The following EPHX2 variants were observed in gnomAD, a reference collection of about 807,000 sequenced individuals.
EPHX2 encodes epoxide hydrolase 2, also known as bifunctional epoxide hydrolase 2.
In EPHX2, 74 loss-of-function variants were observed where a neutral mutation model predicts 78.7. The ratio of observed to expected loss-of-function variants is 0.94; its 90% CI spans 0.78 to 1.14. The LOEUF (loss-of-function observed/expected upper bound fraction) is 1.14, where lower values mean the gene tolerates loss of function less well. Ranked by LOEUF, EPHX2 falls within the 50% of genes most tolerant of loss-of-function variation. EPHX2 has a pLI of 0.00. For missense variants in EPHX2, 715 were observed against 702.5 expected, an observed-to-expected ratio of 1.02 and a Z score of -0.20; for synonymous variants, 251 against 255.2, an observed-to-expected ratio of 0.98 and a Z score of 0.16.
intron 16 of EPHX2, among the ~76,000 whole-genome samples, chr8:27,543,143 G>T (rs1815462965): frequency 2.6e-5 from 4 of 152,008 alleles, no homozygotes; most frequent in Admixed American, 2.6e-4. Context: ...GTGGGAGGAG[G>T]GAGGGGTGTG....
chr8:27,519,112 AGG>A, intron 9 of EPHX2, among the ~76,000 whole-genome samples: 2 of 152,346 alleles, frequency 1.3e-5, no homozygotes, highest in East Asian at 3.9e-4. Flanking sequence ...ATCCACAGCT[AGG>A]TATTTACCCA....
chr8:27,510,712 G>A lies in EPHX2; in HGVS notation c.661-1124G>A, dbSNP rs1225087540. On this transcript the variant is annotated intron_variant, in intron 5 of 18. Transcript: ENST00000521400. ...CTCACTCCTGTAATCCCAGCACTTTGGGAGGCCAAGGTGGGAGGATCACTT... is the reference window on the plus strand; with the variant it reads ...CTCACTCCTGTAATCCCAGCACTTTAGGAGGCCAAGGTGGGAGGATCACTT... 1.3e-5 allele frequency among the ~76,000 whole-genome samples: 2 copies of A among 152,172 alleles called. 1 individual carries two copies. Among genetic ancestry groups the A allele is most frequent in the South Asian group, 4.1e-4 (2 of 4,830 alleles).
intron 1 of EPHX2, among the ~76,000 whole-genome samples, chr8:27,497,783 A>G (rs1199496376): frequency 6.6e-6 from 1 of 152,184 alleles, no homozygotes; most frequent in Non-Finnish European, 1.5e-5. Context: ...TCATTGAATA[A>G]TTCATGGGCT....
chr8:27,506,278 C>G (rs574652929), intron 4 of EPHX2, among the ~76,000 whole-genome samples: 1 of 152,196 alleles, frequency 6.6e-6, no homozygotes, highest in African/African-American at 2.4e-5. Flanking sequence ...GCCATCAAGC[C>G]TAGCACTTTC....
At chr8:27,516,827 C>G (rs1425037939) in intron 8 of EPHX2, among the ~76,000 whole-genome samples, 1 of 152,122 alleles carries the variant, frequency 6.6e-6, no homozygotes, top group Non-Finnish European at 1.5e-5. Flanking sequence ...TGGAATCATA[C>G]AGTATTTGTG....
chr8:27,511,003 G>A (rs780623802), intron 5 of EPHX2, among the ~76,000 whole-genome samples: 6 of 152,070 alleles, frequency 3.9e-5, no homozygotes, highest in Admixed American at 6.5e-5. Flanking sequence ...CAGGGCATGA[G>A]GACACAAGGG....
chr8:27,527,361 G>C (rs1169137610), intron 12 of EPHX2, among the ~76,000 whole-genome samples: 1 of 152,138 alleles, frequency 6.6e-6, no homozygotes, highest in Non-Finnish European at 1.5e-5. Flanking sequence ...ACTGCACATG[G>C]CCTAAAATAT....
At chr8:27,503,887 T>C in intron 3 of EPHX2, 124 bp downstream of exon 3, 1 of 1,245,564 alleles carries the variant, frequency 8.0e-7, no homozygotes, top group East Asian at 2.4e-5. Flanking sequence ...GAAAGCCTCT[T>C]TAAACATGGC....
chr8:27,532,239 C>G (rs768539638), intron 12 of EPHX2, among the ~76,000 whole-genome samples: 3 of 152,060 alleles, frequency 2.0e-5, no homozygotes, highest in Non-Finnish European at 4.4e-5. Flanking sequence ...CAAGATACCC[C>G]CTGGAGACAT....
At chr8:27,515,648 A>T (rs1281172005) in intron 6 of EPHX2, 70 bp from the exon 7 acceptor site, 3 of 1,321,496 alleles carry the variant, frequency 2.3e-6, no homozygotes, top group Non-Finnish European at 3.2e-6. Context: ...GGCATTCTGC[A>T]GACGCTGTGG....
intron 13 of EPHX2, among the ~76,000 whole-genome samples, 200 bp from the exon 14 acceptor site, chr8:27,538,459 C>A (rs1186744069): frequency 6.6e-6 from 1 of 152,210 alleles, no homozygotes; most frequent in Non-Finnish European, 1.5e-5. Flanking sequence ...TACTTGACTT[C>A]TGTGAGGGGG....
chr8:27,492,368 A>G (rs1448274775), intron 1 of EPHX2, among the ~76,000 whole-genome samples: 3 of 152,160 alleles, frequency 2.0e-5, no homozygotes, highest in African/African-American at 7.2e-5. Context: ...AAAATTAGCT[A>G]GACATTAGTG....
chr8:27,537,644 A>G (rs1333069932), intron 13 of EPHX2, among the ~76,000 whole-genome samples: 1 of 151,856 alleles, frequency 6.6e-6, no homozygotes, highest in African/African-American at 2.4e-5. Context: ...TGAAAGTTTT[A>G]TTTGGTTCTT....
At chr8:27,527,710 A>G (rs554133919) in intron 12 of EPHX2, among the ~76,000 whole-genome samples, 2 of 152,198 alleles carry the variant, frequency 1.3e-5, no homozygotes, top group Non-Finnish European at 2.9e-5. Flanking sequence ...ATGTTGTAGC[A>G]GGGGCCAGAA....
chr8:27,501,005 T>G lies in EPHX2; in HGVS notation c.181T>G (p.Ser61Ala), dbSNP rs1208859218. ...TRLMKGEITL[S>A]QWIPLMEENC... Reference sequence around the variant, plus strand: ...GCTTATGAAAGGAGAGATCACACTTTCCCAGGTGAGGGGACATCACCACAC... The same window carrying G: ...GCTTATGAAAGGAGAGATCACACTTGCCCAGGTGAGGGGACATCACCACAC... Residue 61 changes from serine to alanine, a missense_variant, in exon 2 of 19, where the codon TCC (serine) becomes GCC (alanine). Ser to Ala is a moderately conservative substitution (Grantham distance 99, BLOSUM62 1). Coordinates refer to ENST00000521400, the MANE Select transcript of EPHX2 (RefSeq NM_001979.6). 5.6e-6 allele frequency: 9 copies of G among 1,613,168 alleles called. No individual in the cohort carries two copies. The highest frequency in any genetic ancestry group is 7.6e-6 in the Non-Finnish European group (9 of 1,179,614).
chr8:27,532,227 A>G (rs1358747363), intron 12 of EPHX2, among the ~76,000 whole-genome samples: 1 of 151,960 alleles, frequency 6.6e-6, no homozygotes, highest in Non-Finnish European at 1.5e-5. Flanking sequence ...CAGCCCCCAC[A>G]TCAAGATACC....
chr8:27,548,249 T>A (rs540833584), downstream of EPHX2, among the ~76,000 whole-genome samples: 1 of 152,224 alleles, frequency 6.6e-6, no homozygotes, highest in African/African-American at 2.4e-5. Flanking sequence ...TTGACATGAC[T>A]GTCCACCAGT....
chr8:27,507,203 G>A (rs909593577), intron 5 of EPHX2, among the ~76,000 whole-genome samples: 12 of 152,204 alleles, frequency 7.9e-5, no homozygotes, highest in Admixed American at 7.9e-4. Flanking sequence ...TGAACAGGGA[G>A]ACAAGAATTT....
chr8:27,515,427 C>T lies in EPHX2; in HGVS notation c.736-291C>T, dbSNP rs374868117. Reference sequence around the variant, plus strand: ...TCAGAAACTGTGAGAGTATGGGGGCCTTGTAGAGAGGAAGGAGAAGTGTGT... The same window carrying T: ...TCAGAAACTGTGAGAGTATGGGGGCTTTGTAGAGAGGAAGGAGAAGTGTGT... On this transcript the variant is annotated intron_variant, in intron 6 of 18. Coordinates refer to ENST00000521400, the MANE Select transcript of EPHX2 (RefSeq NM_001979.6). 1.6e-5 allele frequency: 6 copies of T among 385,722 alleles called. No individual in the cohort carries two copies. The South Asian group carries it at 1.7e-4, about 11-fold the overall frequency. The allele number at this position is 385,722 out of a possible 1,614,324, so 23.9% of individuals were successfully genotyped here. A position where few individuals can be genotyped will look rare whatever the true frequency, so the allele number is the denominator to read the frequency against.
Sources: gnomAD v4.1 joint callset for allele counts (sites outside exome capture counted in the v4.1 genomes callset) on GRCh38, gnomAD v4.1.1 for gene constraint, MANE v1.5 for transcripts, NCBI Gene and HGNC (gene_info 2026-07-23, HGNC 2026-07-21) for gene names.